Variants in SLC35F4 observed in about 807,000 individuals in gnomAD.
SLC35F4 encodes the protein chromosome 14 open reading frame 36.
A neutral mutation model predicts 44.2 loss-of-function variants in SLC35F4; 24 were observed. The ratio of observed to expected loss-of-function variants is 0.54; its 90% CI spans 0.39 to 0.76. The LOEUF (loss-of-function observed/expected upper bound fraction) is 0.76. Ranked by LOEUF, SLC35F4 falls within the 30% of genes least tolerant of loss-of-function variation. The pLI is 0.00. For missense variants in SLC35F4, 562 were observed against 586.1 expected (o/e 0.96, Z 0.42); for synonymous variants, 238 against 223.6 (o/e 1.06, Z -0.57).
At position 57,916,122 on chromosome 14, in the gene SLC35F4, C is replaced by G. The variant is rs372321149; in HGVS notation, n.282+65791G>C. Among the ~76,000 whole-genome samples the G allele has an allele frequency of 2.1e-3, 324 of 152,206 alleles. 1 individual carries two copies. The highest frequency in any genetic ancestry group is 7.3e-3 in the African/African-American group (305 of 41,522). Reference sequence around the variant, plus strand: ...CCAAGAGCAGAGTACCAGCAGCGGGCAAGGGTCGTCCCATGGTGAAACAAT... The same window carrying G: ...CCAAGAGCAGAGTACCAGCAGCGGGGAAGGGTCGTCCCATGGTGAAACAAT... On this transcript the variant is annotated intron_variant and non_coding_transcript_variant, in intron 1 of 1. Coordinates refer to the SLC35F4 transcript ENST00000556568.
chr14:57,564,104 AC>A lies in SLC35F4; in HGVS notation c.*30del, dbSNP rs2068085696. On this transcript the variant is annotated 3_prime_UTR_variant, in exon 8 of 8. Transcript: ENST00000556826. Reference sequence around the variant, plus strand: ...AAATTTTGTTATATTCACAGAATATACATACACGTGCATTCAAAATATGTCC... The same window carrying A: ...AAATTTTGTTATATTCACAGAATATAATACACGTGCATTCAAAATATGTCC... 1 of 1,611,374 alleles carries A rather than the reference AC, an allele frequency of 6.2e-7. No individual in the cohort carries two copies. Among genetic ancestry groups the A allele is most frequent in the African/African-American group, 1.3e-5 (1 of 74,898 alleles).
rs143104069 is a variant in SLC35F4, at chr14:57,693,775, G to A, written c.104-99651C>T. Among the ~76,000 whole-genome samples, 17 of 152,156 alleles carry A rather than the reference G, an allele frequency of 1.1e-4. No individual in the cohort carries two copies. In the East Asian group the frequency reaches 2.3e-3, roughly 21 times the overall value. ...AGCACCACTGAGTTAGGGTCTCCCC[G>A]ACTGAGCTGGTCTCGGCAATTTGTC... is the stretch of plus-strand genomic sequence containing the variant. On this transcript the variant is annotated intron_variant, in intron 1 of 7. Transcript: ENST00000556826.
At chr14:57,670,398 T>A (rs888733718) in intron 1 of SLC35F4, among the ~76,000 whole-genome samples, 4 of 152,082 alleles carry the variant, frequency 2.6e-5, no homozygotes, top group African/African-American at 9.7e-5. Context: ...TGCTTTTGCT[T>A]CTCTAGTTCT....
intron 1 of SLC35F4, among the ~76,000 whole-genome samples, chr14:57,928,227 G>A (rs920228717): frequency 6.6e-6 from 1 of 152,158 alleles, no homozygotes; most frequent in Non-Finnish European, 1.5e-5. Flanking sequence ...AGCCAGTAAA[G>A]AGCTTGCTTT....
chr14:57,665,406 CT>C (rs2074274061), intron 1 of SLC35F4, among the ~76,000 whole-genome samples: 1 of 152,130 alleles, frequency 6.6e-6, no homozygotes, highest in Non-Finnish European at 1.5e-5. Flanking sequence ...CTTTACTACT[CT>C]TCACAATCCT....
At chr14:57,693,888 T>A (rs2075305158) in intron 1 of SLC35F4, among the ~76,000 whole-genome samples, 1 of 152,180 alleles carries the variant, frequency 6.6e-6, no homozygotes, top group Admixed American at 6.6e-5. Flanking sequence ...TGAGCACGTA[T>A]CAGACGAATA....
At chr14:57,895,279 T>C (rs1015684576) in intron 1 of SLC35F4, among the ~76,000 whole-genome samples, 4 of 152,124 alleles carry the variant, frequency 2.6e-5, no homozygotes, top group Non-Finnish European at 4.4e-5. Context: ...AGAAACTCCA[T>C]GTATTATTAT....
chr14:57,948,175 T>A (rs1424064740), intron 1 of SLC35F4, among the ~76,000 whole-genome samples: 1 of 152,170 alleles, frequency 6.6e-6, no homozygotes, highest in Non-Finnish European at 1.5e-5. Flanking sequence ...TGGACTTTTT[T>A]CTGTTGGCAA....
At chr14:57,649,674 G>A (rs137881040) in intron 1 of SLC35F4, among the ~76,000 whole-genome samples, 5 of 152,140 alleles carry the variant, frequency 3.3e-5, no homozygotes, top group Non-Finnish European at 7.4e-5. Flanking sequence ...CTATGGAAAT[G>A]GGCCATATCT....
chr14:57,860,957 T>C (rs779665797), intron 1 of SLC35F4, among the ~76,000 whole-genome samples: 10 of 152,348 alleles, frequency 6.6e-5, no homozygotes, highest in South Asian at 2.1e-4. Context: ...TTAATACCCA[T>C]TGGATAATCT....
chr14:57,674,326 A>G lies in SLC35F4; in HGVS notation c.104-80202T>C, dbSNP rs902263740. ...GTCAGTTTTAAAAATAACACTGAAC[A>G]TAGGCCTAACCTGTGACCTACCAAT... On this transcript the variant is annotated intron_variant, in intron 1 of 7. Coordinates refer to ENST00000556826, the MANE Select transcript of SLC35F4 (RefSeq NM_001306087.2). 8.4e-4 allele frequency among the ~76,000 whole-genome samples: 128 copies of G among 152,252 alleles called. 3 individuals carry two copies. The highest frequency in any genetic ancestry group is 2.7e-3 in the African/African-American group (114 of 41,506).
intron 1 of SLC35F4, among the ~76,000 whole-genome samples, chr14:57,952,809 T>G (rs1890164703): frequency 6.6e-6 from 1 of 152,018 alleles, no homozygotes; most frequent in South Asian, 2.1e-4. Context: ...AATCAACGTT[T>G]GATTAGTGCA....
chr14:57,982,386 G>A (rs1881406577), upstream of SLC35F4, among the ~76,000 whole-genome samples: 1 of 152,172 alleles, frequency 6.6e-6, no homozygotes, highest in Non-Finnish European at 1.5e-5. Context: ...AACAGAGCCG[G>A]ACACTGCCGA....
At chr14:57,834,149 C>T (rs1435387136) in intron 1 of SLC35F4, among the ~76,000 whole-genome samples, 1 of 152,170 alleles carries the variant, frequency 6.6e-6, no homozygotes, top group Non-Finnish European at 1.5e-5. Flanking sequence ...GAGAACAAGT[C>T]ATGAAGCATG....
At chr14:57,978,741 T>C (rs915547407) in intron 1 of SLC35F4, among the ~76,000 whole-genome samples, 13 of 152,216 alleles carry the variant, frequency 8.5e-5, no homozygotes, top group Non-Finnish European at 1.8e-4. Context: ...ATTTATGTTT[T>C]CTCACCCTGC....
chr14:57,967,723 T>C (rs1392871327), intron 1 of SLC35F4, among the ~76,000 whole-genome samples: 1 of 152,168 alleles, frequency 6.6e-6, no homozygotes, highest in Non-Finnish European at 1.5e-5. Context: ...AGCTTGTAAG[T>C]TGGTGTAGAG....
At chr14:57,785,520 C>T (rs542716242) in intron 1 of SLC35F4, among the ~76,000 whole-genome samples, 3 of 152,202 alleles carry the variant, frequency 2.0e-5, no homozygotes, top group South Asian at 2.1e-4. Flanking sequence ...CCAGCAATCC[C>T]GAGAGGACCC....
intron 1 of SLC35F4, among the ~76,000 whole-genome samples, chr14:57,937,635 GAA>G (rs1223205781): frequency 1.7e-5 from 2 of 119,570 alleles, no homozygotes; most frequent in Non-Finnish European, 3.4e-5. Context: ...GAAAAGAAAA[GAA>G]AAGAAAAGAA....
intron 1 of SLC35F4, among the ~76,000 whole-genome samples, chr14:57,966,324 G>A (rs545785007): frequency 2.8e-4 from 42 of 152,174 alleles, no homozygotes; most frequent in South Asian, 1.9e-3. Flanking sequence ...ATTTCAGTTC[G>A]GTTCTATGTT....
Sources: gnomAD v4.1 joint callset for allele counts (sites outside exome capture counted in the v4.1 genomes callset) on GRCh38, gnomAD v4.1.1 for gene constraint, MANE v1.5 for transcripts, NCBI Gene and HGNC (gene_info 2026-07-23, HGNC 2026-07-21) for gene names.